Variants in PDIK1L observed in about 807,000 individuals in gnomAD.
The protein encoded by PDIK1L is PDLIM1 interacting kinase 1 like.
PDIK1L carries 9 observed loss-of-function variants against 27.1 expected under a neutral mutation model. The observed-to-expected ratio is 0.33, with a 90% CI of 0.20 to 0.58. The LOEUF (loss-of-function observed/expected upper bound fraction) is 0.58, where lower values mean the gene tolerates loss of function less well. Ranked by LOEUF, PDIK1L falls within the 20% of genes least tolerant of loss-of-function variation. The probability of loss-of-function intolerance (pLI) is 0.86; values close to 1 mark genes in which losing one functional copy is unlikely to be tolerated. For synonymous variants in PDIK1L, 130 were observed against 141.7 expected (o/e 0.92, Z 0.59); for missense variants, 216 against 413.2 (o/e 0.52, Z 4.14).
rs2088009191 is a variant in PDIK1L at position 26,122,703 on chromosome 1, GA to G, written c.*127del. ...CTCTAAGGGTTTAGATTTTTTGTGGGATTTTTTTTTTCCTCATTTTTCTTAA... is the reference window on the plus strand; with the variant it reads ...CTCTAAGGGTTTAGATTTTTTGTGGGTTTTTTTTTTCCTCATTTTTCTTAA... On this transcript the variant is annotated 3_prime_UTR_variant, in exon 3 of 3. Coordinates refer to ENST00000374269, the MANE Select transcript of PDIK1L (RefSeq NM_152835.5). This position sits in a 1 kb window ranked among gnomAD's most constrained non-coding sequence, Gnocchi z 5.4. 1.0e-4 allele frequency: 119 copies of G among 1,185,386 alleles called. No homozygotes were observed. The highest frequency in any genetic ancestry group is 1.3e-4 in the Non-Finnish European group (118 of 910,432). 73.4% of individuals were successfully genotyped at this position (1,185,386 alleles called of 1,614,324 possible).
At chr1:26,113,146 CA>C (rs1475448381) in intron 1 of PDIK1L, among the ~76,000 whole-genome samples, 4 of 152,174 alleles carry the variant, frequency 2.6e-5, no homozygotes, top group Non-Finnish European at 5.9e-5. Flanking sequence ...TAAATGACTA[CA>C]AAAAGGTAAC....
chr1:26,114,649 G>C lies in PDIK1L; in HGVS notation c.285+56G>C. On this transcript the variant is annotated intron_variant, in intron 2 of 2. Coordinates refer to ENST00000374269, the MANE Select transcript of PDIK1L (RefSeq NM_152835.5). The surrounding 1 kb of genome is among the most constrained non-coding windows in gnomAD (Gnocchi z 4.8). ...ATTTGAACATGGCATTGGCCAGCAA[G>C]AAGAGGAATGAAAGGGTCAGACGAA... 6.4e-7 allele frequency: 1 copy of C among 1,569,930 alleles called. No homozygotes were observed. Among genetic ancestry groups the C allele is most frequent in the Non-Finnish European group, 8.7e-7 (1 of 1,150,078 alleles).
At chr1:26,120,728 C>T (rs1385349723) in intron 2 of PDIK1L, among the ~76,000 whole-genome samples, 1 of 151,980 alleles carries the variant, frequency 6.6e-6, no homozygotes, top group Non-Finnish European at 1.5e-5. Context: ...CCGAGGTGGG[C>T]GGATCACGAG....
At chr1:26,111,662 T>C (rs1198236901), upstream of PDIK1L, among the ~76,000 whole-genome samples, 2 of 151,272 alleles carry the variant, frequency 1.3e-5, no homozygotes, top group Admixed American at 6.6e-5. This position sits in a 1 kb window ranked among gnomAD's most constrained non-coding sequence, Gnocchi z 4.0. Flanking sequence ...CTCCCGGCTC[T>C]GCAAATCCTC....
intron 1 of PDIK1L, chr1:26,112,454 A>G (rs899830841): frequency 2.6e-5 from 4 of 152,234 alleles, no homozygotes; most frequent in Non-Finnish European, 5.9e-5. Flanking sequence ...TCTCCTCCCT[A>G]TTCAGGAAGG....
At chr1:26,118,780 A>G (rs1045349918) in intron 2 of PDIK1L, among the ~76,000 whole-genome samples, 3 of 152,226 alleles carry the variant, frequency 2.0e-5, no homozygotes, top group Non-Finnish European at 2.9e-5. Flanking sequence ...CTAAATTTAC[A>G]TCTAGTAAAG....
rs141659218 is a variant in PDIK1L at position 26,114,427 on chromosome 1, G to A, written c.119G>A (p.Arg40Gln). ...GCACGGGTGGCAGTGAAGAAAATTC[G>A]ATGTCACGCACCTGAAAATGTTGAA... The part of the protein sequence containing the change: ...TSARVAVKKI[R>Q]CHAPENVELA... Residue 40 changes from arginine (R) to glutamine (Q), a missense_variant, in exon 2 of 3, where the codon CGA becomes CAA. This residue lies in a region of PDIK1L where 169 missense variants were observed against 366.0 expected (regional missense o/e 0.46). Transcript: ENST00000374269. The surrounding 1 kb of genome is among the most constrained non-coding windows in gnomAD (Gnocchi z 4.8). 5.6e-6 allele frequency: 9 copies of A among 1,614,032 alleles called. No homozygotes were observed. Among genetic ancestry groups the A allele is most frequent in the Non-Finnish European group, 6.8e-6 (8 of 1,179,980 alleles).
Position 26,114,951 on chromosome 1 carries a change from C to A in PDIK1L, c.285+358C>A, listed in dbSNP as rs547410633. 9.2e-5 allele frequency among the ~76,000 whole-genome samples: 14 copies of A among 152,284 alleles called. No individual in the cohort carries two copies. Among genetic ancestry groups the A allele is most frequent in the Admixed American group, 5.2e-4 (8 of 15,296 alleles). The stretch of plus-strand genomic sequence containing the variant: ...GGACAGAAGAAAAGGAAAAATTCCA[C>A]AACCAGTAGCAACACCCCTAGGTAA... On this transcript the variant is annotated intron_variant, in intron 2 of 2. Transcript: ENST00000374269. The surrounding 1 kb of genome is among the most constrained non-coding windows in gnomAD (Gnocchi z 4.8).
chr1:26,119,279 A>G (rs2087934064), intron 2 of PDIK1L, among the ~76,000 whole-genome samples: 1 of 152,078 alleles, frequency 6.6e-6, no homozygotes, highest in Non-Finnish European at 1.5e-5. Flanking sequence ...GTGGTGGTGC[A>G]TGCCTGTAGT....
chr1:26,115,212 T>C (rs1228009990), intron 2 of PDIK1L, among the ~76,000 whole-genome samples: 6 of 152,332 alleles, frequency 3.9e-5, no homozygotes, highest in Non-Finnish European at 4.4e-5. Context: ...AGGACTATTA[T>C]TATCTTCATT....
chr1:26,122,254 A>C lies in PDIK1L; in HGVS notation c.703A>C (p.Thr235Pro). 1 of 1,614,238 alleles carries C rather than the reference A, an allele frequency of 6.2e-7. No homozygotes were observed. Among genetic ancestry groups the C allele is most frequent in the Non-Finnish European group, 8.5e-7 (1 of 1,180,046 alleles). The stretch of plus-strand genomic sequence containing the variant: ...TCCTGAAGTTTGGGAAGGACATTAC[A>C]CAGCAAAAGCTGACATCTTTGCTCT... ...MAPEVWEGHY[T>P]AKADIFALGI... Residue 235 changes from threonine (T) to proline (P), a missense_variant, in exon 3 of 3, where the codon ACA becomes CCA. Thr to Pro is a conservative substitution (Grantham distance 38). Transcript: ENST00000374269. This position sits in a 1 kb window ranked among gnomAD's most constrained non-coding sequence, Gnocchi z 5.4.
Position 26,121,829 on chromosome 1 carries a change from T to C in PDIK1L, c.286-8T>C, listed in dbSNP as rs2087994467. 1.9e-6 allele frequency: 3 copies of C among 1,598,164 alleles called. No homozygotes were observed. Among genetic ancestry groups the C allele is most frequent in the Middle Eastern group, 1.7e-4 (1 of 5,990 alleles). On this transcript the variant is annotated splice_region_variant and splice_polypyrimidine_tract_variant and intron_variant, in intron 2 of 2. Transcript: ENST00000374269. Reference sequence around the variant, plus strand: ...AATGATTGTAATCTTTTTTCTTCCTTCTTGTAGCTTGTAGAAACTTCATTA... The same window carrying C: ...AATGATTGTAATCTTTTTTCTTCCTCCTTGTAGCTTGTAGAAACTTCATTA...
At chr1:26,118,864 T>A (rs1029335959) in intron 2 of PDIK1L, among the ~76,000 whole-genome samples, 1 of 152,246 alleles carries the variant, frequency 6.6e-6, no homozygotes, top group African/African-American at 2.4e-5. Flanking sequence ...CATGGTATAT[T>A]CTCCATACGG....
At chr1:26,113,764 T>C (rs1317310465) in intron 1 of PDIK1L, among the ~76,000 whole-genome samples, 1 of 152,210 alleles carries the variant, frequency 6.6e-6, no homozygotes, top group Non-Finnish European at 1.5e-5. Flanking sequence ...TATGTGTGTG[T>C]CAGCCTGAAG....
chr1:26,113,438 G>A (rs979380060), intron 1 of PDIK1L, among the ~76,000 whole-genome samples: 2 of 148,490 alleles, frequency 1.3e-5, no homozygotes, highest in East Asian at 4.1e-4. Flanking sequence ...CTTGCAGTGA[G>A]CCGAGATCAA....
chr1:26,114,646 C>T lies in PDIK1L; in HGVS notation c.285+53C>T. On this transcript the variant is annotated intron_variant, in intron 2 of 2. Coordinates refer to ENST00000374269, the MANE Select transcript of PDIK1L (RefSeq NM_152835.5). This position sits in a 1 kb window ranked among gnomAD's most constrained non-coding sequence, Gnocchi z 4.8. Reference sequence around the variant, plus strand: ...ATGATTTGAACATGGCATTGGCCAGCAAGAAGAGGAATGAAAGGGTCAGAC... The same window carrying T: ...ATGATTTGAACATGGCATTGGCCAGTAAGAAGAGGAATGAAAGGGTCAGAC... The T allele has an allele frequency of 6.4e-7, 1 of 1,573,786 alleles. No homozygotes were observed. Among genetic ancestry groups the T allele is most frequent in the Non-Finnish European group, 8.7e-7 (1 of 1,152,398 alleles).
In PDIK1L at chr1:26,114,571, C is replaced by T; in HGVS notation, c.263C>T (p.Ser88Phe). The T allele has an allele frequency of 1.2e-6, 2 of 1,613,634 alleles. No individual in the cohort carries two copies. Among genetic ancestry groups the T allele is most frequent in the Non-Finnish European group, 1.7e-6 (2 of 1,179,594 alleles). ...ATGGTGCAAAAGATGTCCCACGGCT[C>T]TAATTCTTCCCTTTATTTACAGGTA... is the stretch of plus-strand genomic sequence containing the variant. Reference protein sequence around the residue: ...DGMVQKMSHGSNSSLYLQLVE... With the variant: ...DGMVQKMSHGFNSSLYLQLVE... The change falls in exon 2 of 3, where the codon TCT (serine) becomes TTT (phenylalanine). Residue 88 changes from serine to phenylalanine, a missense_variant. Transcript: ENST00000374269. This position sits in a 1 kb window ranked among gnomAD's most constrained non-coding sequence, Gnocchi z 4.8.
At chr1:26,121,157 T>G (rs2087980064) in intron 2 of PDIK1L, among the ~76,000 whole-genome samples, 1 of 151,992 alleles carries the variant, frequency 6.6e-6, no homozygotes, top group Non-Finnish European at 1.5e-5. Flanking sequence ...AAATGCATAT[T>G]TGAAAACAAA....
intron 1 of PDIK1L, among the ~76,000 whole-genome samples, 189 bp downstream of exon 1, chr1:26,112,104 T>TCAGCCCC (rs2087807068): frequency 1.3e-5 from 2 of 152,200 alleles, no homozygotes; most frequent in South Asian, 2.1e-4. Context: ...CCCCCGGCCC[T>TCAGCCCC]CAGCCCCCAG....
Sources: allele counts gnomAD v4.1 joint callset (sites outside exome capture counted in the v4.1 genomes callset), GRCh38; gene constraint gnomAD v4.1.1; regional missense constraint gnomAD v4.1.1; non-coding constraint Gnocchi (gnomAD v3.1); transcripts MANE v1.5; gene names NCBI Gene and HGNC (gene_info 2026-07-23, HGNC 2026-07-21).